Variants in ADAMTSL1 observed in about 807,000 individuals in gnomAD.
The protein encoded by ADAMTSL1 is ADAMTS-like protein 1.
In ADAMTSL1, 126 loss-of-function variants were observed where a neutral mutation model predicts 201.8. The observed-to-expected ratio is 0.62, with a 90% CI of 0.54 to 0.72. The LOEUF is 0.72. Among genes scored for constraint, ADAMTSL1 ranks in the 30% least tolerant of loss-of-function variants. ADAMTSL1 has a pLI of 0.00. For missense variants in ADAMTSL1, 2,679 were observed against 2,277.8 expected (o/e 1.18, Z -3.59); for synonymous variants, 1,121 against 903.4 (o/e 1.24, Z -4.32).
rs930690515 is a variant in ADAMTSL1 at position 17,925,335 on chromosome 9, C to T, written c.87+18413C>T. On this transcript the variant is annotated intron_variant, in intron 1 of 29. Transcript: ENST00000680146. ...ATCTAGAACTAGAAATACCATTTGA[C>T]CCAGCCATCCCATTACTGAGTATAT... 1.7e-4 allele frequency among the ~76,000 whole-genome samples: 21 copies of T among 121,198 alleles called. 5 individuals carry two copies. Among genetic ancestry groups the T allele is most frequent in the African/African-American group, 5.9e-4 (21 of 35,544 alleles). The allele number at this position is 121,198 out of a possible 152,430, so 79.5% of individuals were successfully genotyped here.
intron 2 of ADAMTSL1, among the ~76,000 whole-genome samples, chr9:18,341,144 C>G (rs1215421417): frequency 6.6e-6 from 1 of 152,114 alleles, no homozygotes; most frequent in African/African-American, 2.4e-5. Context: ...ATCTTAGCAA[C>G]TTCAAGTTGT....
intron 23 of ADAMTSL1, among the ~76,000 whole-genome samples, chr9:18,874,148 C>T (rs1300998029): frequency 3.3e-5 from 5 of 152,160 alleles, no homozygotes; most frequent in Middle Eastern, 3.4e-3. Flanking sequence ...ATTTTGTATC[C>T]TGAAACTTTG....
At chr9:18,256,425 A>G (rs1831688922) in intron 2 of ADAMTSL1, among the ~76,000 whole-genome samples, 1 of 152,182 alleles carries the variant, frequency 6.6e-6, no homozygotes, top group African/African-American at 2.4e-5. Flanking sequence ...GAAAGAATGC[A>G]AAGTACAGTC....
At chr9:17,943,204 A>T (rs185606712) in intron 1 of ADAMTSL1, among the ~76,000 whole-genome samples, 8 of 152,222 alleles carry the variant, frequency 5.3e-5, no homozygotes, top group Admixed American at 5.2e-4. Context: ...GGCCTCCCAA[A>T]GTGCTGGGAT....
chr9:18,718,865 C>G (rs1234755587), intron 14 of ADAMTSL1, among the ~76,000 whole-genome samples: 2 of 152,228 alleles, frequency 1.3e-5, no homozygotes, highest in Non-Finnish European at 2.9e-5. Flanking sequence ...AGGTTTTCAA[C>G]AGCTGAATAA....
rs57914274 is a variant in ADAMTSL1 at position 18,599,996 on chromosome 9, CAAA to C, written c.475-22224_475-22222del. 3.2e-3 allele frequency among the ~76,000 whole-genome samples: 281 copies of C among 86,944 alleles called. 1 individual carries two copies. The highest frequency in any genetic ancestry group is 0.013 in the Middle Eastern group (2 of 160). 57.0% of individuals were successfully genotyped at this position (86,944 alleles called of 152,430 possible). Reference sequence around the variant, plus strand: ...TGAAACCTCGTCTCTACTAAAAATACAAAAAAAAAAAAAAAAAAAAAAAAATTC... The same window carrying C: ...TGAAACCTCGTCTCTACTAAAAATACAAAAAAAAAAAAAAAAAAAAAATTC... On this transcript the variant is annotated intron_variant, in intron 4 of 28. Coordinates refer to ENST00000380548, the MANE Select transcript of ADAMTSL1 (RefSeq NM_001040272.6).
chr9:17,973,641 A>G (rs1296472354), intron 1 of ADAMTSL1, among the ~76,000 whole-genome samples: 3 of 110,828 alleles, frequency 2.7e-5, no homozygotes, highest in African/African-American at 9.1e-5. Context: ...TTGACTTGGC[A>G]ATGTGGGCTC....
intron 5 of ADAMTSL1, among the ~76,000 whole-genome samples, chr9:18,623,127 C>G (rs1483800382): frequency 1.3e-5 from 2 of 152,040 alleles, no homozygotes; most frequent in African/African-American, 4.8e-5. Flanking sequence ...AACTCCTGAC[C>G]TCAAGTGATC....
At chr9:18,884,164 A>C (rs1484524371) in intron 23 of ADAMTSL1, among the ~76,000 whole-genome samples, 1 of 152,158 alleles carries the variant, frequency 6.6e-6, no homozygotes, top group African/African-American at 2.4e-5. Context: ...TTTCCTAATG[A>C]TTAATTGAGC....
intron 1 of ADAMTSL1, among the ~76,000 whole-genome samples, chr9:18,060,867 C>A (rs971321412): frequency 7.9e-5 from 12 of 152,152 alleles, no homozygotes; most frequent in African/African-American, 2.9e-4. Context: ...ATTGTCCTTG[C>A]TTTACCAGAA....
intron 3 of ADAMTSL1, among the ~76,000 whole-genome samples, chr9:18,542,496 G>A (rs1180084143): frequency 1.3e-5 from 2 of 152,084 alleles, no homozygotes; most frequent in African/African-American, 2.4e-5. Flanking sequence ...TTAAAATAAG[G>A]TCATTAAGGT....
At chr9:18,084,761 TG>T (rs944880343) in intron 1 of ADAMTSL1, among the ~76,000 whole-genome samples, 1 of 135,810 alleles carries the variant, frequency 7.4e-6, no homozygotes, top group Non-Finnish European at 1.5e-5. Flanking sequence ...ACATTCTAGG[TG>T]CTGGAGACAT....
intron 4 of ADAMTSL1, among the ~76,000 whole-genome samples, chr9:18,608,398 G>A (rs780122050): frequency 6.6e-6 from 1 of 152,162 alleles, no homozygotes; most frequent in Non-Finnish European, 1.5e-5. Context: ...GTTTCAGCTG[G>A]ATTTAAACTA....
intron 1 of ADAMTSL1, among the ~76,000 whole-genome samples, chr9:18,105,428 A>G (rs574975362): frequency 6.6e-6 from 1 of 152,210 alleles, no homozygotes; most frequent in Non-Finnish European, 1.5e-5. Flanking sequence ...CTTTCATGCT[A>G]TGCATTTTAT....
At chr9:18,286,462 G>T (rs1227326429) in intron 2 of ADAMTSL1, among the ~76,000 whole-genome samples, 1 of 151,946 alleles carries the variant, frequency 6.6e-6, no homozygotes, top group Non-Finnish European at 1.5e-5. Flanking sequence ...AAAATTAGAG[G>T]GTAGAGAGAC....
chr9:18,320,186 C>T (rs531066498), intron 2 of ADAMTSL1, among the ~76,000 whole-genome samples: 14 of 152,162 alleles, frequency 9.2e-5, no homozygotes, highest in Non-Finnish European at 1.9e-4. Flanking sequence ...CCTGCCAATA[C>T]CTTGATTTTC....
At chr9:18,792,325 C>G (rs918082218) in intron 19 of ADAMTSL1, among the ~76,000 whole-genome samples, 2 of 152,146 alleles carry the variant, frequency 1.3e-5, no homozygotes, top group African/African-American at 4.8e-5. Context: ...CAGACTTCAA[C>G]TGGATTTTAG....
At chr9:18,884,748 G>A (rs975412154) in intron 23 of ADAMTSL1, among the ~76,000 whole-genome samples, 10 of 151,946 alleles carry the variant, frequency 6.6e-5, no homozygotes, top group African/African-American at 1.9e-4. Flanking sequence ...CTGTTCTTTT[G>A]TTCTCTGTGT....
rs77903637 is a variant in ADAMTSL1 at position 18,519,631 on chromosome 9, C to G, written c.192-13616C>G. ...CTTTGATAAGAATCAGGGAGGCCAC[C>G]ATTTTTGTGTCTTTCACAGTGCCTT... On this transcript the variant is annotated intron_variant, in intron 2 of 28. Coordinates refer to ENST00000380548, the MANE Select transcript of ADAMTSL1 (RefSeq NM_001040272.6). 1.8e-4 allele frequency among the ~76,000 whole-genome samples: 28 copies of G among 152,322 alleles called. 1 individual carries two copies. The East Asian group carries it at 5.4e-3, about 29-fold the overall frequency.
Sources: gnomAD v4.1 joint callset for allele counts (sites outside exome capture counted in the v4.1 genomes callset) on GRCh38, gnomAD v4.1.1 for gene constraint, MANE v1.5 for transcripts, NCBI Gene and HGNC (gene_info 2026-07-23, HGNC 2026-07-21) for gene names.